Variants in FGFR2 observed in about 807,000 individuals in gnomAD.
The protein encoded by FGFR2 is BEK fibroblast growth factor receptor.
FGFR2 carries 19 observed loss-of-function variants against 95.9 expected under a neutral mutation model. That is an observed-to-expected ratio of 0.20 (90% CI 0.14 to 0.29). The LOEUF is 0.29. Among genes scored for constraint, FGFR2 ranks in the 10% least tolerant of loss-of-function variants. The pLI is 1.00. For missense variants in FGFR2, 707 were observed against 1,056.9 expected, an observed-to-expected ratio of 0.67 and a Z score of 4.59; for synonymous variants, 392 against 393.3, an observed-to-expected ratio of 1.00 and a Z score of 0.04.
chr10:121,480,089 G>A (rs1844478578), intron 17 of FGFR2, 68 bp from the exon 18 acceptor site: 1 of 1,374,622 alleles, frequency 7.3e-7, no homozygotes, highest in East Asian at 2.3e-5. Flanking sequence ...TACGGTTCGA[G>A]AGGCTGACTG....
At chr10:121,559,921 T>C (rs181837169) in intron 4 of FGFR2, among the ~76,000 whole-genome samples, 1 of 152,320 alleles carries the variant, frequency 6.6e-6, no homozygotes, top group East Asian at 1.9e-4. Flanking sequence ...TTGCTTCACA[T>C]GGTTTCACGG....
At chr10:121,580,213 C>G (rs1860619738) in intron 2 of FGFR2, among the ~76,000 whole-genome samples, 1 of 152,196 alleles carries the variant, frequency 6.6e-6, no homozygotes, top group Non-Finnish European at 1.5e-5. Flanking sequence ...CTGCCTCCTG[C>G]TTTCTCAACT....
chr10:121,485,272 C>G lies in FGFR2; in HGVS notation c.2195+123G>C. On this transcript the variant is annotated intron_variant, in intron 16 of 17. Transcript: ENST00000358487. The surrounding 1 kb of genome is among the most constrained non-coding windows in gnomAD (Gnocchi z 4.2). Reference sequence around the variant, plus strand: ...GCTCTGGATTGAGCCCAGAGAGCTTCAGCCATTCTTCTTAGAGCATGTTTA... The same window carrying G: ...GCTCTGGATTGAGCCCAGAGAGCTTGAGCCATTCTTCTTAGAGCATGTTTA... 1 of 1,317,750 alleles carries G rather than the reference C, an allele frequency of 7.6e-7. No individual in the cohort carries two copies. Among genetic ancestry groups the G allele is most frequent in the Non-Finnish European group, 1.1e-6 (1 of 914,850 alleles). 81.6% of individuals were successfully genotyped at this position (1,317,750 alleles called of 1,614,324 possible). A position where few individuals can be genotyped will look rare whatever the true frequency, so the allele number is the denominator to read the frequency against.
intron 9 of FGFR2, among the ~76,000 whole-genome samples, chr10:121,505,558 C>A (rs1223384507): frequency 1.3e-5 from 2 of 152,142 alleles, no homozygotes; most frequent in Non-Finnish European, 2.9e-5. Context: ...GTTGCACAAG[C>A]AAATGGCAGA....
intron 9 of FGFR2, among the ~76,000 whole-genome samples, chr10:121,506,273 G>A (rs919192744): frequency 9.1e-5 from 13 of 143,568 alleles, no homozygotes; most frequent in South Asian, 2.2e-4. Flanking sequence ...CAGGAGAATC[G>A]CTTAAACCCA....
At chr10:121,548,245 CTTTTTTTTTTTTTTTTTTTTTT>C (rs57061338) in intron 5 of FGFR2, among the ~76,000 whole-genome samples, 7 of 46,670 alleles carry the variant, frequency 1.5e-4, no homozygotes, top group African/African-American at 4.4e-4. Context: ...CGCTTTTGGC[CTTTTTTTTTTTTTTTTTTTTTT>C]TTTTTTTTTT....
chr10:121,548,652 T>C (rs1185344520), intron 5 of FGFR2, among the ~76,000 whole-genome samples: 1 of 152,172 alleles, frequency 6.6e-6, no homozygotes, highest in Admixed American at 6.5e-5. Context: ...TGGAGCCTCA[T>C]CAGCTCCTCT....
chr10:121,526,693 G>C, intron 6 of FGFR2: 1 of 398,642 alleles, frequency 2.5e-6, no homozygotes, highest in Non-Finnish European at 4.4e-6. Context: ...TCCTAGAATA[G>C]ATGAGTGGGC....
At position 121,512,324 on chromosome 10, in the gene FGFR2, C is replaced by T. The variant is rs192785154; in HGVS notation, c.1287+2793G>A. Among the ~76,000 whole-genome samples, 8 of 152,272 alleles carry T rather than the reference C, an allele frequency of 5.3e-5. No homozygotes were observed. The East Asian group carries it at 1.5e-3, about 29-fold the overall frequency. On this transcript the variant is annotated intron_variant, in intron 9 of 17. Coordinates refer to ENST00000358487, the MANE Select transcript of FGFR2 (RefSeq NM_000141.5). Reference sequence around the variant, plus strand: ...GCATCTCTTTCTCTACCAAAGGGGCCATGCGTACTGATGAAACATTCTTTG... The same window carrying T: ...GCATCTCTTTCTCTACCAAAGGGGCTATGCGTACTGATGAAACATTCTTTG...
intron 2 of FGFR2, among the ~76,000 whole-genome samples, chr10:121,589,058 A>T (rs925742362): frequency 6.6e-6 from 1 of 152,226 alleles, no homozygotes; most frequent in Non-Finnish European, 1.5e-5. Context: ...TCCAAAAAAT[A>T]ATTTCTGAAC....
chr10:121,483,016 C>T lies in FGFR2; in HGVS notation c.2301+682G>A, dbSNP rs546124925. Reference sequence around the variant, plus strand: ...TTCGCCATGTTGGCCAGGCTGCTCTCGAACTCCTGGCCTCAGGTGATCTGC... The same window carrying T: ...TTCGCCATGTTGGCCAGGCTGCTCTTGAACTCCTGGCCTCAGGTGATCTGC... On this transcript the variant is annotated intron_variant, in intron 17 of 17. Coordinates refer to ENST00000358487, the MANE Select transcript of FGFR2 (RefSeq NM_000141.5). 4.6e-5 allele frequency among the ~76,000 whole-genome samples: 7 copies of T among 152,268 alleles called. No homozygotes were observed. The South Asian group carries it at 1.5e-3, about 32-fold the overall frequency.
intron 3 of FGFR2, among the ~76,000 whole-genome samples, chr10:121,565,176 C>CCA (rs2090721548): frequency 2.0e-5 from 2 of 98,026 alleles, no homozygotes; most frequent in Admixed American, 1.2e-4. Flanking sequence ...GTCAGTGGTA[C>CCA]AAAAAAAAAA....
chr10:121,487,857 A>G (rs1009280036), intron 14 of FGFR2, 134 bp downstream of exon 14: 3 of 1,135,768 alleles, frequency 2.6e-6, no homozygotes, highest in Non-Finnish European at 3.9e-6. Flanking sequence ...TAGTAAGTCA[A>G]AAGAACGGGA....
At chr10:121,516,743 T>C (rs1301952220) in intron 8 of FGFR2, among the ~76,000 whole-genome samples, 1 of 152,192 alleles carries the variant, frequency 6.6e-6, no homozygotes, top group Non-Finnish European at 1.5e-5. Context: ...AAGCCCAAGA[T>C]GGCAGGAGCA....
intron 6 of FGFR2, 94 bp from the exon 7 acceptor site, chr10:121,520,263 T>A: frequency 1.5e-6 from 2 of 1,333,948 alleles, no homozygotes; most frequent in Non-Finnish European, 2.0e-6. Flanking sequence ...AGTGACCTCA[T>A]GCCAGAAAAG....
chr10:121,556,396 ACTCTCTCTCT>A lies in FGFR2; in HGVS notation c.455-4947_455-4938del, dbSNP rs35668561. Among the ~76,000 whole-genome samples, 175 of 128,196 alleles carry A rather than the reference ACTCTCTCTCT, an allele frequency of 1.4e-3. 1 individual carries two copies. Among genetic ancestry groups the A allele is most frequent in the Non-Finnish European group, 1.7e-3 (108 of 63,720 alleles). 84.1% of individuals were successfully genotyped at this position (128,196 alleles called of 152,430 possible). Reference sequence around the variant, plus strand: ...TGCTGACACCTAAGGTTTATAATCTACTCTCTCTCTCTCTCTCTCTCTCTCTCTCTCTCTC... The same window carrying A: ...TGCTGACACCTAAGGTTTATAATCTACTCTCTCTCTCTCTCTCTCTCTCTC... On this transcript the variant is annotated intron_variant, in intron 4 of 17. Transcript: ENST00000358487.
intron 12 of FGFR2, 92 bp from the exon 13 acceptor site, chr10:121,496,814 G>GA: frequency 9.0e-7 from 1 of 1,110,870 alleles, no homozygotes; most frequent in Non-Finnish European, 1.3e-6. Context: ...TACAACCCAT[G>GA]CTTTTTTTTT....
At chr10:121,561,931 T>C (rs1339637826) in intron 4 of FGFR2, among the ~76,000 whole-genome samples, 1 of 152,228 alleles carries the variant, frequency 6.6e-6, no homozygotes, top group African/African-American at 2.4e-5. Context: ...CAATTAATCA[T>C]ATGAAAAGAT....
intron 1 of FGFR2, among the ~76,000 whole-genome samples, chr10:121,595,754 C>T (rs1456714827): frequency 6.6e-6 from 1 of 152,254 alleles, no homozygotes; most frequent in Non-Finnish European, 1.5e-5. Flanking sequence ...GCTCCTTCCC[C>T]GGCCTGCTCG....
Sources: gnomAD v4.1 joint callset for allele counts (sites outside exome capture counted in the v4.1 genomes callset) on GRCh38, gnomAD v4.1.1 for gene constraint, Gnocchi (gnomAD v3.1) non-coding constraint, MANE v1.5 for transcripts, NCBI Gene and HGNC (gene_info 2026-07-23, HGNC 2026-07-21) for gene names.